The following NRG3 variants were observed in gnomAD, a reference collection of about 807,000 sequenced individuals.
NRG3 encodes neuregulin 3.
NRG3 carries 31 observed loss-of-function variants against 66.9 expected under a neutral mutation model. The ratio of observed to expected loss-of-function variants is 0.46; its 90% CI spans 0.35 to 0.63. The LOEUF is 0.63. NRG3 is among the 20% of genes least tolerant of loss of function. The pLI, the probability that NRG3 is intolerant of heterozygous loss-of-function variation, is 0.00. For synonymous variants in NRG3, 393 were observed against 359.4 expected (o/e 1.09, Z -1.06); for missense variants, 910 against 878.9 (o/e 1.04, Z -0.45).
intron 2 of NRG3, among the ~76,000 whole-genome samples, chr10:82,528,928 G>A (rs186294295): frequency 1.9e-4 from 29 of 152,076 alleles, no homozygotes; most frequent in Non-Finnish European, 2.9e-4. Context: ...CTTCTGCCTC[G>A]CATCCTGTCT....
intron 4 of NRG3, among the ~76,000 whole-genome samples, chr10:82,901,942 CT>C (rs1305461150): frequency 6.6e-6 from 1 of 152,074 alleles, no homozygotes; most frequent in Admixed American, 6.5e-5. Context: ...AAGTATACCC[CT>C]TATATAGTAG....
chr10:82,461,187 C>T (rs548710133), intron 2 of NRG3, among the ~76,000 whole-genome samples: 3 of 152,126 alleles, frequency 2.0e-5, no homozygotes, highest in Admixed American at 2.0e-4. Context: ...AACACCATCA[C>T]CACCACAATC....
intron 1 of NRG3, among the ~76,000 whole-genome samples, chr10:82,336,905 A>G (rs761186396): frequency 2.0e-5 from 3 of 152,128 alleles, no homozygotes; most frequent in Non-Finnish European, 4.4e-5. Context: ...GAATGGACCA[A>G]TTTTCTCAAT....
At chr10:82,212,747 A>G (rs903784925) in intron 1 of NRG3, among the ~76,000 whole-genome samples, 9 of 152,326 alleles carry the variant, frequency 5.9e-5, no homozygotes, top group African/African-American at 2.2e-4. Flanking sequence ...TGAAACATTA[A>G]TATATGTGCC....
intron 3 of NRG3, among the ~76,000 whole-genome samples, chr10:82,774,719 A>C (rs1591482417): frequency 7.4e-6 from 1 of 135,044 alleles, no homozygotes; most frequent in East Asian, 2.2e-4. Flanking sequence ...CAAAGAAACA[A>C]CTCTTGGTTT....
intron 2 of NRG3, among the ~76,000 whole-genome samples, chr10:82,619,486 T>C (rs1248068183): frequency 6.6e-6 from 1 of 152,076 alleles, no homozygotes; most frequent in Non-Finnish European, 1.5e-5. Context: ...AAAAGAAAAA[T>C]ACCTGAGGAA....
At chr10:82,422,085 A>G (rs1057488168) in intron 2 of NRG3, among the ~76,000 whole-genome samples, 1 of 152,088 alleles carries the variant, frequency 6.6e-6, no homozygotes, top group Admixed American at 6.6e-5. Flanking sequence ...GAGGAGCTTC[A>G]CCTTGGCCTC....
chr10:82,650,438 A>C (rs543851421), intron 2 of NRG3, among the ~76,000 whole-genome samples: 2 of 152,354 alleles, frequency 1.3e-5, no homozygotes, highest in South Asian at 2.1e-4. Context: ...AAAAACAAAA[A>C]AAAACACCTA....
Position 82,503,595 on chromosome 10 carries a change from C to T in NRG3, c.953+144727C>T, listed in dbSNP as rs189053374. ...AGAAAGCTTATGACAGTAGATCTCA[C>T]GGGGCCCTCAATCTATTTAGAAAGG... On this transcript the variant is annotated intron_variant, in intron 2 of 8. Coordinates refer to ENST00000372141, the MANE Select transcript of NRG3 (RefSeq NM_001010848.4). 2.2e-4 allele frequency among the ~76,000 whole-genome samples: 34 copies of T among 152,214 alleles called. No homozygotes were observed. The East Asian group carries it at 6.0e-3, about 27-fold the overall frequency.
intron 2 of NRG3, among the ~76,000 whole-genome samples, chr10:82,548,333 C>T (rs901027463): frequency 7.2e-5 from 11 of 151,918 alleles, no homozygotes; most frequent in African/African-American, 2.4e-4. Flanking sequence ...GCAATAATCT[C>T]GTGCCAGAAG....
chr10:82,057,402 G>A (rs1346655028), intron 1 of NRG3, among the ~76,000 whole-genome samples: 1 of 151,926 alleles, frequency 6.6e-6, no homozygotes, highest in African/African-American at 2.4e-5. Context: ...TTGTTCTTTG[G>A]TGTTTAATTC....
intron 2 of NRG3, among the ~76,000 whole-genome samples, chr10:82,662,665 A>G (rs773772172): frequency 6.6e-6 from 1 of 152,168 alleles, no homozygotes; most frequent in Non-Finnish European, 1.5e-5. Flanking sequence ...GCATTTTCAC[A>G]TGAACTCCCA....
chr10:82,106,592 G>A (rs1411284394), intron 1 of NRG3, among the ~76,000 whole-genome samples: 3 of 150,266 alleles, frequency 2.0e-5, no homozygotes, highest in Admixed American at 6.7e-5. Context: ...TGCAACCTCC[G>A]CCTCCTGGGT....
intron 1 of NRG3, among the ~76,000 whole-genome samples, chr10:82,227,479 CT>C (rs1564685773): frequency 6.6e-6 from 1 of 151,852 alleles, no homozygotes; most frequent in South Asian, 2.1e-4. Context: ...AAGGGTTTTT[CT>C]TTTTTAACTT....
chr10:81,907,177 T>C (rs1844676526), intron 1 of NRG3, among the ~76,000 whole-genome samples: 1 of 152,166 alleles, frequency 6.6e-6, no homozygotes, highest in African/African-American at 2.4e-5. Context: ...ATGTCAATTA[T>C]TTAGGAGAAG....
intron 4 of NRG3, among the ~76,000 whole-genome samples, chr10:82,879,640 T>A (rs1000515834): frequency 6.6e-6 from 1 of 151,910 alleles, no homozygotes; most frequent in Non-Finnish European, 1.5e-5. Context: ...ACCCGGCTAA[T>A]TTTTTTCGTA....
Position 82,237,832 on chromosome 10 carries a change from C to T in NRG3, c.824-120907C>T, listed in dbSNP as rs2076830056. On this transcript the variant is annotated intron_variant, in intron 1 of 8. Coordinates refer to ENST00000372141, the MANE Select transcript of NRG3 (RefSeq NM_001010848.4). ...TTCCCTTTCAAAATGATGCTTTTTCCAAATCTAGTAACAGGACAAAGTAAG... is the reference window on the plus strand; with the variant it reads ...TTCCCTTTCAAAATGATGCTTTTTCTAAATCTAGTAACAGGACAAAGTAAG... Among the ~76,000 whole-genome samples the T allele has an allele frequency of 2.0e-5, 3 of 152,042 alleles. No homozygotes were observed. The South Asian group carries it at 6.2e-4, about 32-fold the overall frequency.
chr10:82,315,305 A>T (rs1372009705), intron 1 of NRG3, among the ~76,000 whole-genome samples: 2 of 152,184 alleles, frequency 1.3e-5, no homozygotes, highest in Admixed American at 6.5e-5. Flanking sequence ...CCTGAGGCAC[A>T]CTGTTCTCAT....
At chr10:82,403,618 T>G (rs2087276274) in intron 2 of NRG3, among the ~76,000 whole-genome samples, 1 of 152,204 alleles carries the variant, frequency 6.6e-6, no homozygotes, top group Non-Finnish European at 1.5e-5. Flanking sequence ...TAAAGATAGT[T>G]TGAAAGAAAA....
Sources: allele counts gnomAD v4.1 joint callset (sites outside exome capture counted in the v4.1 genomes callset), GRCh38; gene constraint gnomAD v4.1.1; transcripts MANE v1.5; gene names NCBI Gene and HGNC (gene_info 2026-07-23, HGNC 2026-07-21).